The following PTPRG variants were observed in gnomAD, a reference collection of about 807,000 sequenced individuals.
PTPRG encodes the protein receptor-type tyrosine-protein phosphatase gamma.
In PTPRG, 102 loss-of-function variants were observed where a neutral mutation model predicts 165.3. The ratio of observed to expected loss-of-function variants is 0.62; its 90% confidence interval spans 0.53 to 0.73. The LOEUF is 0.73. Ranked by LOEUF, PTPRG falls within the 30% of genes least tolerant of loss-of-function variation. The pLI, the probability that PTPRG is intolerant of heterozygous loss-of-function variation, is 0.00. For missense variants in PTPRG, 1,866 were observed against 1,861.4 expected, an observed-to-expected ratio of 1.00 and a Z score of -0.05; for synonymous variants, 675 against 669.5, an observed-to-expected ratio of 1.01 and a Z score of -0.13.
At position 61,626,705 on chromosome 3, in the gene PTPRG, A is replaced by C. The variant is rs192127755; in HGVS notation, c.85+64333A>C. Reference sequence around the variant, plus strand: ...GGGTGCCAAAGTGGGGCAGGTGCTCAACTTCCCAGCAGTGTTAGGAGTAAA... The same window carrying C: ...GGGTGCCAAAGTGGGGCAGGTGCTCCACTTCCCAGCAGTGTTAGGAGTAAA... On this transcript the variant is annotated intron_variant, in intron 1 of 29. Transcript: ENST00000474889. 2.5e-3 allele frequency among the ~76,000 whole-genome samples: 383 copies of C among 152,348 alleles called. 1 individual carries two copies. The highest frequency in any genetic ancestry group is 4.7e-3 in the Non-Finnish European group (319 of 68,036).
Position 62,079,833 on chromosome 3 carries a change from C to T in PTPRG, c.615+1575C>T, listed in dbSNP as rs1260118199. The stretch of plus-strand genomic sequence containing the variant: ...ATCCTTATCTGTGAAGTAGAGAGAA[C>T]AGCTAATACATCATGTAGATTGCAG... On this transcript the variant is annotated intron_variant, in intron 5 of 29. Transcript: ENST00000474889. Among the ~76,000 whole-genome samples, 5 of 152,188 alleles carry T rather than the reference C, an allele frequency of 3.3e-5. No individual in the cohort carries two copies. In the East Asian group the frequency reaches 7.7e-4, roughly 23 times the overall value.
intron 15 of PTPRG, among the ~76,000 whole-genome samples, chr3:62,251,143 T>A (rs1376610499): frequency 6.6e-6 from 1 of 152,136 alleles, no homozygotes; most frequent in Admixed American, 6.6e-5. Context: ...ATAATCTCAG[T>A]GCTTTGGGAG....
intron 14 of PTPRG, among the ~76,000 whole-genome samples, chr3:62,241,795 G>A (rs1485551673): frequency 1.3e-5 from 2 of 152,066 alleles, no homozygotes; most frequent in East Asian, 1.9e-4. Context: ...TTTCTTGCAT[G>A]CATTTGTTTT....
chr3:61,865,506 C>G (rs2037380628), intron 2 of PTPRG, among the ~76,000 whole-genome samples: 1 of 152,118 alleles, frequency 6.6e-6, no homozygotes, highest in Admixed American at 6.5e-5. Context: ...CAAGTTTGTA[C>G]CAACTGTGCA....
chr3:62,238,463 G>A (rs1461506557), intron 14 of PTPRG, among the ~76,000 whole-genome samples: 17 of 151,998 alleles, frequency 1.1e-4, no homozygotes, highest in Admixed American at 1.1e-3. Flanking sequence ...AATAAATATT[G>A]ACAACTTCAA....
At chr3:62,107,151 A>C (rs1346481479) in intron 5 of PTPRG, among the ~76,000 whole-genome samples, 1 of 152,234 alleles carries the variant, frequency 6.6e-6, no homozygotes, top group African/African-American at 2.4e-5. Context: ...CTCACTTTTC[A>C]CAGTTGGCAT....
chr3:62,202,046 T>G (rs1268162983), intron 11 of PTPRG, among the ~76,000 whole-genome samples: 1 of 152,206 alleles, frequency 6.6e-6, no homozygotes, highest in Non-Finnish European at 1.5e-5. Flanking sequence ...TTCCTGGGTT[T>G]CAGGCACAGA....
At chr3:62,231,332 A>G in intron 14 of PTPRG, 21 bp downstream of exon 14, 1 of 1,539,136 alleles carries the variant, frequency 6.5e-7, no homozygotes. Flanking sequence ...GTCAAGCTTA[A>G]GTGGGGGGCG....
chr3:62,102,883 C>T (rs1277941377), intron 5 of PTPRG, among the ~76,000 whole-genome samples: 1 of 152,160 alleles, frequency 6.6e-6, no homozygotes, highest in Non-Finnish European at 1.5e-5. Context: ...ATGCCATCAT[C>T]TAAATTGAAG....
intron 4 of PTPRG, among the ~76,000 whole-genome samples, chr3:62,033,919 T>C (rs908340667): frequency 4.6e-5 from 7 of 152,104 alleles, no homozygotes; most frequent in African/African-American, 2.4e-5. Context: ...AGGCGCCCGC[T>C]AATGCCCAGC....
chr3:61,782,403 G>T (rs2034572039), intron 2 of PTPRG, among the ~76,000 whole-genome samples: 1 of 152,226 alleles, frequency 6.6e-6, no homozygotes. Context: ...ATTTAGTCGT[G>T]TGTTAAATCG....
intron 2 of PTPRG, among the ~76,000 whole-genome samples, chr3:61,856,918 A>G (rs1173354516): frequency 6.6e-6 from 1 of 152,228 alleles, no homozygotes; most frequent in East Asian, 1.9e-4. Context: ...CAGTACTGCT[A>G]TATGATGTCT....
rs367661472 is a variant in PTPRG, at chr3:61,748,884, C to T, written c.92C>T (p.Thr31Ile). Reference sequence around the variant, plus strand: ...GGGTTTTCCTCTCTTCCAGCGTTGACAGAAGGCTACGTTGGGGCCCTGCAC... The same window carrying T: ...GGGTTTTCCTCTCTTCCAGCGTTGATAGAAGGCTACGTTGGGGCCCTGCAC... ...LHYVVCFPAL[T>I]EGYVGALHEN... The change falls in exon 2 of 30, where the codon ACA (threonine) becomes ATA (isoleucine). Residue 31 changes from threonine to isoleucine, a missense_variant. Transcript: ENST00000474889. 1.9e-6 allele frequency: 3 copies of T among 1,613,176 alleles called. No homozygotes were observed. The highest frequency in any genetic ancestry group is 1.7e-6 in the Non-Finnish European group (2 of 1,179,958).
At position 61,874,969 on chromosome 3, in the gene PTPRG, C is replaced by T. The variant is rs1399238499; in HGVS notation, c.191-114656C>T. Among the ~76,000 whole-genome samples, 12 of 152,104 alleles carry T rather than the reference C, an allele frequency of 7.9e-5. 1 individual carries two copies. Among genetic ancestry groups the T allele is most frequent in the Admixed American group, 7.9e-4 (12 of 15,278 alleles). ...AGAAGAGAAGCAAACCTGTTAAGTC[C>T]CACGTAGTCTACAACTCCATCAGGT... On this transcript the variant is annotated intron_variant, in intron 2 of 29. Coordinates refer to ENST00000474889, the MANE Select transcript of PTPRG (RefSeq NM_002841.4).
chr3:62,006,822 C>A (rs2107730008), intron 4 of PTPRG, among the ~76,000 whole-genome samples: 1 of 152,252 alleles, frequency 6.6e-6, no homozygotes, highest in African/African-American at 2.4e-5. Flanking sequence ...TAAAGGACAG[C>A]CCCCACTAAA....
chr3:62,205,583 G>T (rs1282402921), intron 12 of PTPRG, among the ~76,000 whole-genome samples: 1 of 152,126 alleles, frequency 6.6e-6, no homozygotes, highest in Non-Finnish European at 1.5e-5. Flanking sequence ...AGAGCCAAGT[G>T]GTAAGAAGGA....
chr3:62,124,346 A>G (rs1048104494), intron 5 of PTPRG: 2 of 1,612,580 alleles, frequency 1.2e-6, no homozygotes, highest in Non-Finnish European at 8.5e-7. Context: ...CTGGTGATGC[A>G]GGCTGACAAT....
At chr3:61,592,640 TC>T (rs1700599379) in intron 1 of PTPRG, among the ~76,000 whole-genome samples, 1 of 144,962 alleles carries the variant, frequency 6.9e-6, no homozygotes, top group African/African-American at 2.7e-5. Context: ...TTTCTTTCTT[TC>T]TTTCTTTCTT....
At chr3:62,088,220 A>T (rs1026721744) in intron 5 of PTPRG, among the ~76,000 whole-genome samples, 1 of 152,240 alleles carries the variant, frequency 6.6e-6, no homozygotes, top group African/African-American at 2.4e-5. Context: ...ACGCTGCTGA[A>T]CATCCTGCAG....
Sources: allele counts gnomAD v4.1 joint callset (sites outside exome capture counted in the v4.1 genomes callset), GRCh38; gene constraint gnomAD v4.1.1; transcripts MANE v1.5; gene names NCBI Gene and HGNC (gene_info 2026-07-23, HGNC 2026-07-21).